Variants in RSRC1 observed in about 807,000 individuals in gnomAD.
The protein encoded by RSRC1 is serine/Arginine-related protein 53.
A neutral mutation model predicts 49.1 loss-of-function variants in RSRC1; 39 were observed. The observed-to-expected ratio is 0.79, with a 90% CI of 0.61 to 1.04. The LOEUF (loss-of-function observed/expected upper bound fraction) is 1.04. RSRC1 is among the 50% of genes least tolerant of loss of function. RSRC1 has a pLI of 0.00. For synonymous variants in RSRC1, 143 were observed against 130.8 expected (o/e 1.09, Z -0.63); for missense variants, 388 against 402.4 (o/e 0.96, Z 0.31).
intron 6 of RSRC1, among the ~76,000 whole-genome samples, chr3:158,453,801 G>T (rs1227142567): frequency 6.6e-6 from 1 of 151,978 alleles, no homozygotes; most frequent in Non-Finnish European, 1.5e-5. Flanking sequence ...GTTTATGTTT[G>T]TGTGTATGTG....
At chr3:158,467,387 T>C (rs911275200) in intron 7 of RSRC1, among the ~76,000 whole-genome samples, 21 of 152,232 alleles carry the variant, frequency 1.4e-4, no homozygotes, top group African/African-American at 5.1e-4. Flanking sequence ...TGACCTTAGG[T>C]AGTCCCTTTG....
intron 3 of RSRC1, among the ~76,000 whole-genome samples, chr3:158,177,722 A>C (rs577003922): frequency 6.6e-6 from 1 of 152,250 alleles, no homozygotes; most frequent in South Asian, 2.1e-4. Flanking sequence ...CAGAAAACCA[A>C]CATGGCACAT....
At chr3:158,112,134 T>C (rs1027045188) in intron 1 of RSRC1, among the ~76,000 whole-genome samples, 1 of 152,210 alleles carries the variant, frequency 6.6e-6, no homozygotes, top group Admixed American at 6.5e-5. Flanking sequence ...CCATGTTGTC[T>C]CTTTCACCTA....
At chr3:158,182,459 G>T (rs904996180) in intron 3 of RSRC1, among the ~76,000 whole-genome samples, 1 of 152,086 alleles carries the variant, frequency 6.6e-6, no homozygotes, top group African/African-American at 2.4e-5. Context: ...CACTGGACTG[G>T]TAGAACTTTC....
chr3:158,250,678 A>G (rs1724157764), intron 4 of RSRC1, among the ~76,000 whole-genome samples: 1 of 151,950 alleles, frequency 6.6e-6, no homozygotes, highest in East Asian at 1.9e-4. Flanking sequence ...TATTTTTTTC[A>G]TATTGAGGTT....
At chr3:158,319,927 C>T (rs1728668690) in intron 5 of RSRC1, among the ~76,000 whole-genome samples, 1 of 152,070 alleles carries the variant, frequency 6.6e-6, no homozygotes, top group Admixed American at 6.6e-5. Context: ...ACCCATGATC[C>T]TCATATGTTA....
chr3:158,126,550 ATAGT>A (rs769733693), intron 3 of RSRC1, among the ~76,000 whole-genome samples: 21 of 152,220 alleles, frequency 1.4e-4, no homozygotes, highest in East Asian at 9.6e-4. Flanking sequence ...AATATAGCTT[ATAGT>A]TAGTTATTTT....
chr3:158,473,635 A>C (rs569879854), intron 7 of RSRC1, among the ~76,000 whole-genome samples: 1 of 152,240 alleles, frequency 6.6e-6, no homozygotes, highest in East Asian at 1.9e-4. Context: ...TACGTTGTGC[A>C]CATGTACCCT....
chr3:158,371,282 T>C (rs1199489957), intron 6 of RSRC1, among the ~76,000 whole-genome samples: 2 of 151,868 alleles, frequency 1.3e-5, no homozygotes. Flanking sequence ...CCTTTTTTAG[T>C]GACAGTTCTT....
rs576131729 is a variant in RSRC1 at position 158,212,475 on chromosome 3, C to T, written c.494+9230C>T. Among the ~76,000 whole-genome samples, 6 of 151,932 alleles carry T rather than the reference C, an allele frequency of 3.9e-5. No individual in the cohort carries two copies. In the South Asian group the frequency reaches 1.2e-3, roughly 31 times the overall value. The stretch of plus-strand genomic sequence containing the variant: ...ATCAGTTGTTTAAAAAATTGAATGT[C>T]ACTGCTAGGATTCATATTTTAAATA... On this transcript the variant is annotated intron_variant, in intron 4 of 9. Coordinates refer to ENST00000611884, the MANE Select transcript of RSRC1 (RefSeq NM_001271838.2).
In RSRC1 at chr3:158,165,572, G is replaced by C. The variant is rs141355508; in HGVS notation, c.321-37500G>C. ...TGGCTGGCGCCGTTAATCAATTTTG[G>C]TGGGCTTCAGCTTAAATGCATTTTC... is the stretch of plus-strand genomic sequence containing the variant. On this transcript the variant is annotated intron_variant, in intron 3 of 9. Transcript: ENST00000611884. Among the ~76,000 whole-genome samples, 19 of 152,318 alleles carry C rather than the reference G, an allele frequency of 1.2e-4. 1 individual carries two copies. The East Asian group carries it at 3.7e-3, about 29-fold the overall frequency.
At chr3:158,204,840 T>A (rs1443649178) in intron 4 of RSRC1, among the ~76,000 whole-genome samples, 2 of 152,182 alleles carry the variant, frequency 1.3e-5, no homozygotes, top group East Asian at 1.9e-4. Flanking sequence ...AGAATAATAC[T>A]TGTGTAATTG....
intron 6 of RSRC1, among the ~76,000 whole-genome samples, chr3:158,383,858 A>T (rs1175006811): frequency 1.3e-5 from 2 of 152,312 alleles, no homozygotes; most frequent in East Asian, 3.9e-4. Flanking sequence ...GAGTCAAATC[A>T]TGACAATTCA....
intron 3 of RSRC1, among the ~76,000 whole-genome samples, chr3:158,202,570 A>ATATATATATATATATATATATATATG (rs1559941235): frequency 7.2e-6 from 1 of 139,212 alleles, no homozygotes; most frequent in African/African-American, 2.8e-5. Flanking sequence ...GATTATATAT[A>ATATATATATATATATATATATATATG]TATATATATA....
chr3:158,461,473 AAAC>A (rs1737607775), intron 7 of RSRC1, among the ~76,000 whole-genome samples: 1 of 151,920 alleles, frequency 6.6e-6, no homozygotes, highest in Admixed American at 6.6e-5. Context: ...TCTTTTTAAA[AAAC>A]AACATTTAGG....
intron 4 of RSRC1, among the ~76,000 whole-genome samples, chr3:158,283,352 CAT>C (rs1354932385): frequency 1.3e-5 from 2 of 151,660 alleles, no homozygotes; most frequent in Non-Finnish European, 2.9e-5. Context: ...CTTTAGAAAA[CAT>C]ATAAACAATT....
intron 3 of RSRC1, among the ~76,000 whole-genome samples, chr3:158,144,743 T>TC (rs953698218): frequency 1.1e-4 from 16 of 152,116 alleles, no homozygotes; most frequent in Non-Finnish European, 2.2e-4. Flanking sequence ...TAGTTTACAG[T>TC]CCCCCCAACA....
At chr3:158,148,879 G>A (rs1717336064) in intron 3 of RSRC1, among the ~76,000 whole-genome samples, 1 of 151,848 alleles carries the variant, frequency 6.6e-6, no homozygotes, top group South Asian at 2.1e-4. Flanking sequence ...CACCTCCCAG[G>A]TTCAAGTGAG....
At chr3:158,237,961 T>G (rs1476984701) in intron 4 of RSRC1, among the ~76,000 whole-genome samples, 1 of 151,804 alleles carries the variant, frequency 6.6e-6, no homozygotes, top group Non-Finnish European at 1.5e-5. Flanking sequence ...TCCTATTATT[T>G]TGAGATACGT....
Sources: gnomAD v4.1 joint callset for allele counts (sites outside exome capture counted in the v4.1 genomes callset) on GRCh38, gnomAD v4.1.1 for gene constraint, MANE v1.5 for transcripts, NCBI Gene and HGNC (gene_info 2026-07-23, HGNC 2026-07-21) for gene names.